TRAP1: variants seen among roughly 807,000 people sequenced by gnomAD.
The protein encoded by TRAP1 is TNF receptor associated protein 1.
TRAP1 carries 102 observed loss-of-function variants against 89.1 expected under a neutral mutation model. That is an observed-to-expected ratio of 1.15 (90% CI 0.98 to 1.35). TRAP1 has a LOEUF of 1.35. Ranked by LOEUF, TRAP1 falls within the 40% of genes most tolerant of loss-of-function variation. The pLI, the probability that TRAP1 is intolerant of heterozygous loss-of-function variation, is 0.00. For missense variants in TRAP1, 1,256 were observed against 945.3 expected (o/e 1.33, Z -4.31); for synonymous variants, 508 against 388.0 (o/e 1.31, Z -3.64).
intron 16 of TRAP1, chr16:3,661,672 C>T (rs987777554): frequency 8.4e-5 from 26 of 308,360 alleles, no homozygotes; most frequent in African/African-American, 4.7e-4. Flanking sequence ...CCAAGATCCA[C>T]GTACAAAGCT....
At chr16:3,685,657 C>G (rs1270926193) in intron 4 of TRAP1, among the ~76,000 whole-genome samples, 2 of 152,090 alleles carry the variant, frequency 1.3e-5, no homozygotes, top group Non-Finnish European at 2.9e-5. Flanking sequence ...GAGGGGAAAA[C>G]GCAGTTAAAA....
intron 1 of TRAP1, among the ~76,000 whole-genome samples, chr16:3,702,225 T>G (rs1334437077): frequency 2.0e-5 from 3 of 151,638 alleles, no homozygotes; most frequent in Non-Finnish European, 4.4e-5. Context: ...GATGAGGAAT[T>G]CAGTCTAGGG....
intron 10 of TRAP1, 65 bp downstream of exon 10, chr16:3,672,635 C>T: frequency 6.5e-7 from 1 of 1,538,924 alleles, no homozygotes; most frequent in East Asian, 2.3e-5. Context: ...CAGCACGGTC[C>T]CTCACAGATG....
intron 2 of TRAP1, 112 bp from the exon 3 acceptor site, chr16:3,689,249 T>TA: frequency 2.2e-6 from 2 of 923,934 alleles, no homozygotes; most frequent in Non-Finnish European, 3.1e-6. Flanking sequence ...AAACTTTTTT[T>TA]TTTTTTTTTT....
intron 1 of TRAP1, among the ~76,000 whole-genome samples, chr16:3,707,666 C>T (rs141676149): frequency 0.036 from 5,329 of 149,876 alleles, 308 homozygotes; most frequent in African/African-American, 0.12. Context: ...CCAGCCTGGC[C>T]AACATGGTGA....
At chr16:3,685,497 C>G (rs1426763676) in intron 4 of TRAP1, among the ~76,000 whole-genome samples, 4 of 152,032 alleles carry the variant, frequency 2.6e-5, no homozygotes, top group African/African-American at 9.7e-5. Context: ...GCAATGACGC[C>G]GTGACCCTGG....
chr16:3,706,565 T>C (rs1174491047), intron 1 of TRAP1, among the ~76,000 whole-genome samples: 1 of 148,272 alleles, frequency 6.7e-6, no homozygotes, highest in Non-Finnish European at 1.5e-5. Context: ...GCTCGAGCAA[T>C]TCTCCCACCT....
At chr16:3,670,682 C>A (rs2050901422) in intron 11 of TRAP1, among the ~76,000 whole-genome samples, 1 of 152,130 alleles carries the variant, frequency 6.6e-6, no homozygotes. Flanking sequence ...CCAACCTGGA[C>A]AACAAGAAAG....
chr16:3,679,861 C>G (rs556725404), intron 4 of TRAP1, 71 bp from the exon 5 acceptor site: 2 of 1,492,324 alleles, frequency 1.3e-6, no homozygotes, highest in South Asian at 2.3e-5. Flanking sequence ...CCAGCAGTCC[C>G]AGGGACTCAA....
Position 3,664,280 on chromosome 16 carries a change from GTCTT to G in TRAP1, c.1559_1562del (p.Lys520ThrfsTer27), listed in dbSNP as rs759370461. 4 of 1,593,542 alleles carry G rather than the reference GTCTT, an allele frequency of 2.5e-6. No individual in the cohort carries two copies. The highest frequency in any genetic ancestry group is 2.7e-5 in the African/African-American group (2 of 73,762). ...CCACCCACCGCTCACCCACCTCTGT[GTCTT>G]TCTTCTTCATGGCCTCATAGTAGGG... On this transcript the variant is annotated frameshift_variant, in exon 13 of 18. Transcript: ENST00000246957. LOFTEE classifies it high-confidence loss of function.
Position 3,683,742 on chromosome 16 carries a change from A to G in TRAP1, c.471+2254T>C, listed in dbSNP as rs540807556. Among the ~76,000 whole-genome samples, 3 of 151,748 alleles carry G rather than the reference A, an allele frequency of 2.0e-5. No homozygotes were observed. In the South Asian group the frequency reaches 6.2e-4, roughly 32 times the overall value. On this transcript the variant is annotated intron_variant, in intron 4 of 17. Coordinates refer to ENST00000246957, the MANE Select transcript of TRAP1 (RefSeq NM_016292.3). Reference sequence around the variant, plus strand: ...TTGGAGTAGATGGCAACGCTGTACTATCTTTAAAATTTTTCTGAAAATTGA... The same window carrying G: ...TTGGAGTAGATGGCAACGCTGTACTGTCTTTAAAATTTTTCTGAAAATTGA...
At chr16:3,684,634 AC>A (rs1479302158) in intron 4 of TRAP1, among the ~76,000 whole-genome samples, 7 of 152,156 alleles carry the variant, frequency 4.6e-5, no homozygotes, top group Admixed American at 6.5e-5. Flanking sequence ...TACTAAAAAT[AC>A]AAAAATTAGT....
chr16:3,677,546 G>T lies in TRAP1; in HGVS notation c.656C>A (p.Ser219Tyr). 1.2e-6 allele frequency: 2 copies of T among 1,614,168 alleles called. No homozygotes were observed. Among genetic ancestry groups the T allele is most frequent in the East Asian group, 4.5e-5 (2 of 44,872 alleles). Reference sequence around the variant, plus strand: ...CAGGCTCCCCGGGGCTGCCGAGCGGGAATAGACCTCCACTCTGTCAGCCAC... The same window carrying T: ...CAGGCTCCCCGGGGCTGCCGAGCGGTAATAGACCTCCACTCTGTCAGCCAC... ...FMVADRVEVY[S>Y]RSAAPGSLGY... Residue 219 changes from serine to tyrosine, a missense_variant, in exon 6 of 18, where the codon TCC (serine) becomes TAC (tyrosine). Coordinates refer to ENST00000246957, the MANE Select transcript of TRAP1 (RefSeq NM_016292.3).
chr16:3,704,365 T>C (rs2051411075), intron 1 of TRAP1: 1 of 152,136 alleles, frequency 6.6e-6, no homozygotes, highest in South Asian at 2.1e-4. Flanking sequence ...CGTTGCATTA[T>C]AAAAAACACT....
At position 3,717,463 on chromosome 16, in the gene TRAP1, G is replaced by A. The variant is rs1489555663; in HGVS notation, c.46C>T (p.Arg16Trp). Residue 16 changes from arginine (R) to tryptophan (W), a missense_variant, in exon 1 of 18, where the codon CGG becomes TGG. Physicochemically the swap from Arg to Trp is moderately radical, Grantham distance 101 (BLOSUM62 -3). Transcript: ENST00000246957. ...RALLLWGRRLRPLLRAPALAA... is the reference protein window; with the variant it reads ...RALLLWGRRLWPLLRAPALAA... ...AGCGCCGGCGCCCGCAGCAAAGGCCGCAGGCGGCGGCCCCACAGCAGCAGC... is the reference window on the plus strand; with the variant it reads ...AGCGCCGGCGCCCGCAGCAAAGGCCACAGGCGGCGGCCCCACAGCAGCAGC... 4 of 1,300,066 alleles carry A rather than the reference G, an allele frequency of 3.1e-6. No individual in the cohort carries two copies. Among genetic ancestry groups the A allele is most frequent in the African/African-American group, 1.6e-5 (1 of 64,400 alleles). The allele number at this position is 1,300,066 out of a possible 1,614,324, so 80.5% of individuals were successfully genotyped here. A position where few individuals can be genotyped will look rare whatever the true frequency, so the allele number is the denominator to read the frequency against.
At chr16:3,708,866 A>G (rs2051487419) in intron 1 of TRAP1, among the ~76,000 whole-genome samples, 1 of 139,110 alleles carries the variant, frequency 7.2e-6, no homozygotes, top group Admixed American at 7.4e-5. Context: ...CCGAGGCTGG[A>G]GTGCAGTGGT....
chr16:3,674,244 A>G (rs1170611283), intron 9 of TRAP1, 95 bp downstream of exon 9: 5 of 1,506,540 alleles, frequency 3.3e-6, no homozygotes, highest in Non-Finnish European at 4.5e-6. Flanking sequence ...TCATGCCCTC[A>G]CACTGCCATG....
At chr16:3,711,108 C>T (rs1286354598) in intron 1 of TRAP1, among the ~76,000 whole-genome samples, 1 of 151,332 alleles carries the variant, frequency 6.6e-6, no homozygotes, top group African/African-American at 2.4e-5. Context: ...AACTCCTAAA[C>T]TCACAGGATC....
chr16:3,677,354 C>A (rs1017116923), intron 6 of TRAP1, 144 bp downstream of exon 6: 24 of 1,143,204 alleles, frequency 2.1e-5, no homozygotes, highest in Non-Finnish European at 1.5e-5. Context: ...AAGTCACTAA[C>A]TCCCCAAAAT....
Sources: gnomAD v4.1 joint callset for allele counts (sites outside exome capture counted in the v4.1 genomes callset) on GRCh38, gnomAD v4.1.1 for gene constraint, MANE v1.5 for transcripts, NCBI Gene and HGNC (gene_info 2026-07-23, HGNC 2026-07-21) for gene names.